Variants in TMEM182 observed in about 807,000 individuals in gnomAD.
TMEM182 encodes the protein transmembrane protein 182.
A neutral mutation model predicts 26.8 loss-of-function variants in TMEM182; 20 were observed. The ratio of observed to expected loss-of-function variants is 0.75; its 90% CI spans 0.53 to 1.09. The LOEUF (loss-of-function observed/expected upper bound fraction) is 1.09. TMEM182 is among the 50% of genes least tolerant of loss of function. The pLI, the probability that TMEM182 is intolerant of heterozygous loss-of-function variation, is 0.00. For synonymous variants in TMEM182, 109 were observed against 102.2 expected (o/e 1.07, Z -0.40); for missense variants, 277 against 275.5 (o/e 1.01, Z -0.04).
At chr2:102,798,037 G>A in intron 4 of TMEM182, 37 bp downstream of exon 4, 1 of 1,570,982 alleles carries the variant, frequency 6.4e-7, no homozygotes, top group South Asian at 1.2e-5. Context: ...TTCAGCCACG[G>A]TTTTTCTTCA....
downstream of TMEM182, among the ~76,000 whole-genome samples, chr2:102,821,563 G>A (rs1254027416): frequency 6.6e-6 from 1 of 152,098 alleles, no homozygotes; most frequent in African/African-American, 2.4e-5. Context: ...TTCCTTTTCA[G>A]CTTACAGAAC....
At chr2:102,814,461 A>G (rs1467427648) in intron 4 of TMEM182, among the ~76,000 whole-genome samples, 1 of 152,198 alleles carries the variant, frequency 6.6e-6, no homozygotes, top group Non-Finnish European at 1.5e-5. Flanking sequence ...GATATTCACT[A>G]ATGTTCACAA....
At chr2:102,823,975 G>A (rs1431785598) in intron 3 of TMEM182, among the ~76,000 whole-genome samples, 1 of 152,190 alleles carries the variant, frequency 6.6e-6, no homozygotes, top group African/African-American at 2.4e-5. Flanking sequence ...TTTTGAGCCA[G>A]AAAAATGCTT....
At chr2:102,761,141 A>G (rs1195641667), upstream of TMEM182, among the ~76,000 whole-genome samples, 1 of 152,220 alleles carries the variant, frequency 6.6e-6, no homozygotes, top group East Asian at 1.9e-4. Flanking sequence ...TTAAATGCAC[A>G]CAAATACTTA....
At chr2:102,748,466 G>C (rs569806008) in intron 1 of TMEM182, among the ~76,000 whole-genome samples, 2 of 152,310 alleles carry the variant, frequency 1.3e-5, no homozygotes, top group Non-Finnish European at 2.9e-5. Flanking sequence ...ATGAGAAAAG[G>C]CACAAAATAA....
chr2:102,806,804 A>G (rs563012027), intron 4 of TMEM182, among the ~76,000 whole-genome samples: 24 of 152,256 alleles, frequency 1.6e-4, no homozygotes, highest in African/African-American at 2.6e-4. Context: ...TATTTTACCA[A>G]TGAAGAAACT....
intron 4 of TMEM182, among the ~76,000 whole-genome samples, chr2:102,810,614 A>G (rs1682520485): frequency 6.6e-6 from 1 of 152,120 alleles, no homozygotes; most frequent in African/African-American, 2.4e-5. Flanking sequence ...GAGATCCAAC[A>G]TGTTCTTGGT....
chr2:102,821,317 G>A (rs186054844), downstream of TMEM182, among the ~76,000 whole-genome samples: 169 of 152,316 alleles, frequency 1.1e-3, no homozygotes, highest in Admixed American at 2.6e-3. Context: ...TGTTGGAGGT[G>A]GGGCTTTGTG....
chr2:102,772,281 C>G (rs1308079806), intron 3 of TMEM182, among the ~76,000 whole-genome samples: 1 of 152,200 alleles, frequency 6.6e-6, no homozygotes, highest in Non-Finnish European at 1.5e-5. Context: ...GAGCACTGTT[C>G]TGGATGCTTC....
chr2:102,756,353 C>G (rs772754818), intron 1 of TMEM182, among the ~76,000 whole-genome samples: 1 of 152,178 alleles, frequency 6.6e-6, no homozygotes. Flanking sequence ...ATTTGACACA[C>G]GTCATCTTAC....
chr2:102,742,015 A>C (rs553195517), intron 1 of TMEM182, among the ~76,000 whole-genome samples: 1 of 152,364 alleles, frequency 6.6e-6, no homozygotes, highest in South Asian at 2.1e-4. Context: ...GACAAGAGAA[A>C]ACATAATCTG....
intron 3 of TMEM182, among the ~76,000 whole-genome samples, chr2:102,792,119 G>A (rs1188050667): frequency 4.6e-5 from 7 of 150,866 alleles, no homozygotes; most frequent in Non-Finnish European, 7.4e-5. Context: ...GTTAATATAT[G>A]TGTGTGTGTG....
intron 1 of TMEM182, among the ~76,000 whole-genome samples, chr2:102,752,586 G>C (rs1391421419): frequency 6.6e-6 from 1 of 152,180 alleles, no homozygotes; most frequent in Non-Finnish European, 1.5e-5. Flanking sequence ...TTTCCTCTTG[G>C]AGACATGGTG....
At position 102,762,276 on chromosome 2, in the gene TMEM182, T is replaced by A. The variant is rs1009162226; in HGVS notation, c.59T>A (p.Leu20His). ...CTCTTTGGTGCTTTGGGGGTGTTAC[T>A]CTTTTTGGTGGCTTTTGGATCGGAT... is the stretch of plus-strand genomic sequence containing the variant. ...GALFGALGVL[L>H]FLVAFGSDYW... Residue 20 changes from leucine (L) to histidine (H), a missense_variant, in exon 1 of 5, where the codon CTC (leucine) becomes CAC (histidine). By Grantham distance (99) the Leu-to-His change is moderately conservative. Transcript: ENST00000412401. 3 of 1,614,042 alleles carry A rather than the reference T, an allele frequency of 1.9e-6. No individual in the cohort carries two copies. Among genetic ancestry groups the A allele is most frequent in the Admixed American group, 1.7e-5 (1 of 60,018 alleles).
intron 4 of TMEM182, among the ~76,000 whole-genome samples, chr2:102,810,492 A>G (rs1483906536): frequency 1.3e-5 from 2 of 152,206 alleles, no homozygotes; most frequent in African/African-American, 4.8e-5. Context: ...TTTCAGAAAG[A>G]GAAAACATGC....
intron 3 of TMEM182, among the ~76,000 whole-genome samples, chr2:102,792,882 G>A (rs1051193995): frequency 2.0e-5 from 3 of 152,164 alleles, no homozygotes; most frequent in Non-Finnish European, 4.4e-5. Context: ...GACTCGCAGT[G>A]GTCAGGAATG....
chr2:102,814,235 T>G (rs2104757469), intron 4 of TMEM182, among the ~76,000 whole-genome samples: 1 of 152,266 alleles, frequency 6.6e-6, no homozygotes, highest in South Asian at 2.1e-4. Flanking sequence ...AGCTGGGTTA[T>G]AATAGTATAA....
chr2:102,747,869 C>A (rs1558750664), intron 1 of TMEM182, among the ~76,000 whole-genome samples: 1 of 152,204 alleles, frequency 6.6e-6, no homozygotes. Flanking sequence ...ATGGAAAATG[C>A]ATTTGTCAGA....
chr2:102,742,917 T>G (rs1679584063), intron 1 of TMEM182, among the ~76,000 whole-genome samples: 1 of 152,028 alleles, frequency 6.6e-6, no homozygotes. Flanking sequence ...TTTCAAAAAA[T>G]GTTAAAAGAA....
Sources: gnomAD v4.1 joint callset for allele counts (sites outside exome capture counted in the v4.1 genomes callset) on GRCh38, gnomAD v4.1.1 for gene constraint, MANE v1.5 for transcripts, NCBI Gene and HGNC (gene_info 2026-07-23, HGNC 2026-07-21) for gene names.